RCOR2: variants seen among roughly 807,000 people sequenced by gnomAD.
RCOR2 encodes REST corepressor 2.
RCOR2 carries 19 observed loss-of-function variants against 58.9 expected under a neutral mutation model. The ratio of observed to expected loss-of-function variants is 0.32; its 90% CI spans 0.23 to 0.47. The LOEUF (loss-of-function observed/expected upper bound fraction) is 0.47, where lower values mean the gene tolerates loss of function less well. Among genes scored for constraint, RCOR2 ranks in the 20% least tolerant of loss-of-function variants. The pLI is 1.00. For missense variants in RCOR2, 590 were observed against 707.9 expected (o/e 0.83, Z 1.89); for synonymous variants, 286 against 278.7 (o/e 1.03, Z -0.26).
chr11:63,918,111 C>G (rs1455998667), upstream of RCOR2, among the ~76,000 whole-genome samples: 1 of 151,620 alleles, frequency 6.6e-6, no homozygotes. Context: ...AAGCTGAAGC[C>G]CCCGCCCGCC....
Position 63,916,606 on chromosome 11 carries a change from G to T in RCOR2, c.-150C>A. The T allele has an allele frequency of 7.4e-7, 1 of 1,350,148 alleles. No individual in the cohort carries two copies. The highest frequency in any genetic ancestry group is 9.8e-7 in the Non-Finnish European group (1 of 1,024,612). 83.6% of individuals were successfully genotyped at this position (1,350,148 alleles called of 1,614,324 possible). A position where few individuals can be genotyped will look rare whatever the true frequency, so the allele number is the denominator to read the frequency against. On this transcript the variant is annotated 5_prime_UTR_variant, in exon 1 of 12. Coordinates refer to ENST00000301459, the MANE Select transcript of RCOR2 (RefSeq NM_173587.4). ...GAGGTCAGCGTGGCTAGGGTCCGGC[G>T]GGGTGGGAGCCCACCTGGTAGCCCC...
intron 8 of RCOR2, among the ~76,000 whole-genome samples, chr11:63,913,207 AAGG>A (rs1207159824): frequency 1.3e-5 from 1 of 75,624 alleles, no homozygotes; most frequent in East Asian, 2.9e-4. Flanking sequence ...TTTTTTTGAG[AAGG>A]AGTTTTATTC....
Position 63,914,483 on chromosome 11 carries a change from C to T in RCOR2, c.539G>A (p.Arg180His), listed in dbSNP as rs1420149842. Residue 180 changes from arginine to histidine, a missense_variant, in exon 6 of 12, where the codon CGC becomes CAC. By Grantham distance (29) the Arg-to-His change is conservative. Coordinates refer to ENST00000301459, the MANE Select transcript of RCOR2 (RefSeq NM_173587.4). ...VKYYYSWKKT[R>H]SRTSVMDRQA... is the part of the protein sequence containing the mutation. ...TCTGTCCATCACACTAGTTCGGCTG[C>T]GGGTCTTCTTCCAAGAGTAGTAGTA... 3 of 1,613,694 alleles carry T rather than the reference C, an allele frequency of 1.9e-6. No homozygotes were observed. Among genetic ancestry groups the T allele is most frequent in the Non-Finnish European group, 2.5e-6 (3 of 1,180,034 alleles).
upstream of RCOR2, among the ~76,000 whole-genome samples, chr11:63,921,760 G>C (rs1297182676): frequency 6.6e-6 from 1 of 152,212 alleles, no homozygotes; most frequent in Non-Finnish European, 1.5e-5. Context: ...TCTGCCCATG[G>C]CTCACTGCTC....
In RCOR2 at chr11:63,912,420, T is replaced by A. The variant is rs1394137404; in HGVS notation, c.1142A>T (p.Glu381Val). Residue 381 changes from glutamate (E) to valine (V), a missense_variant, in exon 11 of 12, where the codon GAG (glutamate) becomes GTG (valine). This residue lies in a region of RCOR2 where 196 missense variants were observed against 210.7 expected (regional missense o/e 0.93). Coordinates refer to ENST00000301459, the MANE Select transcript of RCOR2 (RefSeq NM_173587.4). ...VSYRRRFNLE[E>V]VLQEWEAEQD... is the part of the protein sequence containing the mutation. Reference sequence around the variant, plus strand: ...CTCAGCCTCCCATTCCTGCAGCACCTCCTCCAGATTGAAGCGGCGCCGGTA... The same window carrying A: ...CTCAGCCTCCCATTCCTGCAGCACCACCTCCAGATTGAAGCGGCGCCGGTA... 3.1e-6 allele frequency: 5 copies of A among 1,613,758 alleles called. No homozygotes were observed. Among genetic ancestry groups the A allele is most frequent in the Non-Finnish European group, 4.2e-6 (5 of 1,179,910 alleles).
upstream of RCOR2, among the ~76,000 whole-genome samples, chr11:63,917,600 C>G (rs1475403801): frequency 2.6e-5 from 4 of 152,162 alleles, no homozygotes; most frequent in Non-Finnish European, 5.9e-5. Flanking sequence ...GGGGACCCCC[C>G]TTATGCGCCC....
the RCOR2 span, among the ~76,000 whole-genome samples, chr11:63,923,352 T>C: frequency 6.6e-6 from 1 of 151,078 alleles, no homozygotes; most frequent in African/African-American, 2.4e-5. Flanking sequence ...CTTCATCCCA[T>C]GTTCACCTTA....
Position 63,914,644 on chromosome 11 carries a change from A to T in RCOR2, c.480+11T>A. 6.2e-7 allele frequency: 1 copy of T among 1,604,436 alleles called. No individual in the cohort carries two copies. On this transcript the variant is annotated intron_variant, in intron 5 of 11. Coordinates refer to ENST00000301459, the MANE Select transcript of RCOR2 (RefSeq NM_173587.4). ...GAGGAGCGCCGGGGAGTGGGGGTGG[A>T]AGGGCTTTACCATCTGCTGGATCCG... is the stretch of plus-strand genomic sequence containing the variant.
chr11:63,915,638 G>C (rs1364286519), intron 1 of RCOR2, 27 bp from the exon 2 acceptor site: 14 of 492,872 alleles, frequency 2.8e-5, no homozygotes, highest in Non-Finnish European at 4.5e-5. Flanking sequence ...AGGCAGTCAG[G>C]ACTCCAGGGA....
In RCOR2 at chr11:63,914,020, TC is replaced by T; in HGVS notation, c.824del (p.Gly275GlufsTer27). ...LSPEGLTAVSGSPDLANLTLR... is the reference protein window; with the variant it reads ...LSPEGLTAVSXSPDLANLTLR... Reference sequence around the variant, plus strand: ...GCGTGAGGTTGGCAAGGTCCGGGCTTCCTGACACTGCCGTGAGGCCTTCAGG... The same window carrying T: ...GCGTGAGGTTGGCAAGGTCCGGGCTTCTGACACTGCCGTGAGGCCTTCAGG... On this transcript the variant is annotated frameshift_variant, in exon 8 of 12. Coordinates refer to ENST00000301459, the MANE Select transcript of RCOR2 (RefSeq NM_173587.4). LOFTEE classifies it high-confidence loss of function. The T allele has an allele frequency of 6.2e-7, 1 of 1,613,746 alleles. No individual in the cohort carries two copies. Among genetic ancestry groups the T allele is most frequent in the Non-Finnish European group, 8.5e-7 (1 of 1,179,952 alleles).
chr11:63,917,617 G>C (rs1042281508), upstream of RCOR2, among the ~76,000 whole-genome samples: 16 of 152,158 alleles, frequency 1.1e-4, no homozygotes, highest in Non-Finnish European at 1.6e-4. Context: ...GCCCTTGGGG[G>C]CCAGAACGGA....
chr11:63,922,737 G>C, the RCOR2 span, among the ~76,000 whole-genome samples: 9 of 152,152 alleles, frequency 5.9e-5, no homozygotes, highest in Non-Finnish European at 1.3e-4. Flanking sequence ...TCCAGGAAAA[G>C]GTCTCACAGC....
chr11:63,917,827 G>A (rs1941882102), upstream of RCOR2, among the ~76,000 whole-genome samples: 1 of 152,078 alleles, frequency 6.6e-6, no homozygotes, highest in Admixed American at 6.5e-5. Flanking sequence ...GGGGAGAGAG[G>A]AGCTGGGTCT....
the RCOR2 span, among the ~76,000 whole-genome samples, chr11:63,925,763 T>C: frequency 6.8e-6 from 1 of 147,834 alleles, no homozygotes; most frequent in Non-Finnish European, 1.5e-5. Flanking sequence ...AGTGTGCCAC[T>C]GCACTCCAGC....
chr11:63,925,909 C>T, the RCOR2 span, among the ~76,000 whole-genome samples: 1 of 151,920 alleles, frequency 6.6e-6, no homozygotes, highest in Non-Finnish European at 1.5e-5. Flanking sequence ...AACCTCTGGA[C>T]CTTTTATTTT....
chr11:63,913,175 T>C (rs1941802486), intron 8 of RCOR2, among the ~76,000 whole-genome samples: 1 of 124,128 alleles, frequency 8.1e-6, no homozygotes, highest in Non-Finnish European at 1.6e-5. Context: ...TATATATATA[T>C]ATATATATAT....
the RCOR2 span, among the ~76,000 whole-genome samples, chr11:63,926,567 A>G: frequency 1.4e-5 from 2 of 140,012 alleles, no homozygotes; most frequent in Non-Finnish European, 3.1e-5. Flanking sequence ...GCTCACCACA[A>G]CCTCCACCTC....
At chr11:63,919,695 C>G (rs1269435285), upstream of RCOR2, among the ~76,000 whole-genome samples, 1 of 152,220 alleles carries the variant, frequency 6.6e-6, no homozygotes, top group Non-Finnish European at 1.5e-5. Context: ...GGCCGAGAAC[C>G]CGGGGCCCTC....
chr11:63,913,376 G>GA (rs1941807986), intron 8 of RCOR2, among the ~76,000 whole-genome samples: 1 of 150,404 alleles, frequency 6.6e-6, no homozygotes, highest in Non-Finnish European at 1.5e-5. Flanking sequence ...TTTTAGTAGA[G>GA]ACAGGGTTTC....
Sources: allele counts gnomAD v4.1 joint callset (sites outside exome capture counted in the v4.1 genomes callset), GRCh38; gene constraint gnomAD v4.1.1; regional missense constraint gnomAD v4.1.1; transcripts MANE v1.5; gene names NCBI Gene and HGNC (gene_info 2026-07-23, HGNC 2026-07-21).